OLFM3: variants seen among roughly 807,000 people sequenced by gnomAD.
The protein encoded by OLFM3 is noelin-3.
Under a neutral mutation model 48.6 loss-of-function variants are expected in OLFM3, and 20 were observed. The ratio of observed to expected loss-of-function variants is 0.41; its 90% CI spans 0.29 to 0.60. The LOEUF (loss-of-function observed/expected upper bound fraction) is 0.60. Ranked by LOEUF, OLFM3 falls within the 20% of genes least tolerant of loss-of-function variation. The pLI is 0.28. For synonymous variants in OLFM3, 222 were observed against 198.1 expected (o/e 1.12, Z -1.01); for missense variants, 437 against 544.3 (o/e 0.80, Z 1.96).
chr1:101,995,842 T>A (rs1373672422), intron 1 of OLFM3, among the ~76,000 whole-genome samples: 1 of 152,230 alleles, frequency 6.6e-6, no homozygotes, highest in African/African-American at 2.4e-5. Flanking sequence ...TAATAAATTG[T>A]ATCTCTTACT....
intron 1 of OLFM3, among the ~76,000 whole-genome samples, chr1:101,916,738 A>C (rs1179156113): frequency 2.0e-5 from 3 of 152,182 alleles, no homozygotes; most frequent in Non-Finnish European, 4.4e-5. Flanking sequence ...CTTTTTAAAC[A>C]TAAATCATTA....
chr1:101,930,390 T>C (rs1659409477), intron 1 of OLFM3, among the ~76,000 whole-genome samples: 1 of 152,186 alleles, frequency 6.6e-6, no homozygotes, highest in Non-Finnish European at 1.5e-5. Context: ...GAAGTCTGCA[T>C]GGTAGAGTGA....
chr1:101,907,000 C>A (rs1658575897), intron 1 of OLFM3, among the ~76,000 whole-genome samples: 1 of 151,998 alleles, frequency 6.6e-6, no homozygotes, highest in Non-Finnish European at 1.5e-5. Flanking sequence ...TTTTCATAAG[C>A]ACTTAATTTT....
chr1:101,826,702 G>A (rs1173449607), intron 3 of OLFM3, among the ~76,000 whole-genome samples: 2 of 152,140 alleles, frequency 1.3e-5, no homozygotes, highest in South Asian at 4.1e-4. Flanking sequence ...CACAGTCAAA[G>A]GCAGAATTGC....
At chr1:101,887,520 T>C (rs1165659086) in intron 1 of OLFM3, among the ~76,000 whole-genome samples, 3 of 151,976 alleles carry the variant, frequency 2.0e-5, no homozygotes, top group Admixed American at 2.0e-4. Context: ...GATCTTAAGG[T>C]CAATAATGTC....
chr1:101,961,923 TTCCTC>T (rs1660478091), intron 1 of OLFM3, among the ~76,000 whole-genome samples: 1 of 152,114 alleles, frequency 6.6e-6, no homozygotes, highest in African/African-American at 2.4e-5. Context: ...TTAGCTTCCT[TTCCTC>T]TCTTCTAGCT....
chr1:101,830,092 C>T lies in OLFM3; in HGVS notation c.372+580G>A, dbSNP rs866504984. Among the ~76,000 whole-genome samples the T allele has an allele frequency of 2.0e-5, 3 of 152,230 alleles. No homozygotes were observed. The South Asian group carries it at 6.2e-4, about 32-fold the overall frequency. ...TGACCTTGTGATCTGCCCACCTCGGCCTCCCAAAGTGCTAGGATTACAGGC... is the reference window on the plus strand; with the variant it reads ...TGACCTTGTGATCTGCCCACCTCGGTCTCCCAAAGTGCTAGGATTACAGGC... On this transcript the variant is annotated intron_variant, in intron 3 of 5. Transcript: ENST00000370103.
chr1:101,976,392 G>C (rs1434258424), intron 1 of OLFM3, among the ~76,000 whole-genome samples: 1 of 152,114 alleles, frequency 6.6e-6, no homozygotes, highest in African/African-American at 2.4e-5. Flanking sequence ...CTGATTTTTA[G>C]CTGCATCCAT....
intron 1 of OLFM3, among the ~76,000 whole-genome samples, chr1:101,925,315 T>C (rs1659237536): frequency 6.6e-6 from 1 of 152,010 alleles, no homozygotes; most frequent in South Asian, 2.1e-4. Context: ...TTGATCTATA[T>C]TACATTGGCG....
chr1:101,845,193 T>A (rs528224473), intron 1 of OLFM3, among the ~76,000 whole-genome samples: 262 of 152,104 alleles, frequency 1.7e-3, no homozygotes, highest in Middle Eastern at 3.4e-3. Context: ...TATTATTATT[T>A]TTTTTGCAAA....
intron 1 of OLFM3, among the ~76,000 whole-genome samples, chr1:101,841,657 A>G (rs1655726368): frequency 6.6e-6 from 1 of 152,242 alleles, no homozygotes; most frequent in Non-Finnish European, 1.5e-5. Flanking sequence ...TGTGGAAGGC[A>G]CGGCAATCAT....
At chr1:101,949,519 C>T (rs1041006316) in intron 1 of OLFM3, among the ~76,000 whole-genome samples, 1 of 152,172 alleles carries the variant, frequency 6.6e-6, no homozygotes, top group African/African-American at 2.4e-5. Flanking sequence ...TACAAATATA[C>T]ATTAGTATAT....
intron 1 of OLFM3, among the ~76,000 whole-genome samples, chr1:101,912,249 G>A (rs1047089764): frequency 6.6e-6 from 1 of 152,140 alleles, no homozygotes; most frequent in Non-Finnish European, 1.5e-5. Flanking sequence ...GCAGACATTT[G>A]AATTCACGTA....
intron 1 of OLFM3, among the ~76,000 whole-genome samples, chr1:101,978,927 G>A (rs752582844): frequency 6.6e-6 from 1 of 152,126 alleles, no homozygotes; most frequent in African/African-American, 2.4e-5. Flanking sequence ...AGAGCCATAT[G>A]TGATCCCTGT....
chr1:101,844,011 G>A (rs1296138297), intron 1 of OLFM3, among the ~76,000 whole-genome samples: 1 of 152,162 alleles, frequency 6.6e-6, no homozygotes, highest in African/African-American at 2.4e-5. Flanking sequence ...AGAAGAGCTG[G>A]TTTACTACTT....
At chr1:101,845,158 TTTC>T (rs1398509936) in intron 1 of OLFM3, among the ~76,000 whole-genome samples, 2 of 151,930 alleles carry the variant, frequency 1.3e-5, no homozygotes, top group African/African-American at 4.8e-5. Flanking sequence ...TTATTATTAT[TTTC>T]TTCTTCTTAT....
intron 1 of OLFM3, among the ~76,000 whole-genome samples, chr1:101,984,602 G>A (rs1484609430): frequency 6.6e-6 from 1 of 152,176 alleles, no homozygotes; most frequent in East Asian, 1.9e-4. Context: ...GTTTCACCAT[G>A]TTGGCTAGGC....
chr1:101,957,698 C>T (rs1430123859), intron 1 of OLFM3, among the ~76,000 whole-genome samples: 1 of 151,996 alleles, frequency 6.6e-6, no homozygotes, highest in Non-Finnish European at 1.5e-5. Flanking sequence ...AGTGAGGTCT[C>T]TCTGGGAAGA....
intron 2 of OLFM3, among the ~76,000 whole-genome samples, chr1:101,836,031 G>A (rs1655384209): frequency 6.6e-6 from 1 of 152,148 alleles, no homozygotes; most frequent in Non-Finnish European, 1.5e-5. Context: ...TGCCATAAAT[G>A]TGTGGGTGAT....
Sources: allele counts gnomAD v4.1 joint callset (sites outside exome capture counted in the v4.1 genomes callset), GRCh38; gene constraint gnomAD v4.1.1; transcripts MANE v1.5; gene names NCBI Gene and HGNC (gene_info 2026-07-23, HGNC 2026-07-21).